The following SGCD variants were observed in gnomAD, a reference collection of about 807,000 sequenced individuals.
SGCD encodes the protein sarcoglycan delta, also known as delta-sarcoglycan.
In SGCD, 18 loss-of-function variants were observed where a neutral mutation model predicts 36.6. That is an observed-to-expected ratio of 0.49 (90% CI 0.34 to 0.73). The LOEUF (loss-of-function observed/expected upper bound fraction) is 0.73, where lower values mean the gene tolerates loss of function less well. SGCD is among the 30% of genes least tolerant of loss of function. The pLI is 0.01. For synonymous variants in SGCD, 133 were observed against 130.6 expected, an observed-to-expected ratio of 1.02 and a Z score of -0.12; for missense variants, 387 against 346.7, an observed-to-expected ratio of 1.12 and a Z score of -0.92.
chr5:155,935,319 C>T (rs1318727743), intron 1 of SGCD, among the ~76,000 whole-genome samples: 7 of 152,020 alleles, frequency 4.6e-5, no homozygotes, highest in Non-Finnish European at 7.4e-5. Context: ...TTATTCAAAA[C>T]GTATTTGTTG....
the SGCD span, among the ~76,000 whole-genome samples, chr5:155,795,143 T>G: frequency 1.3e-5 from 2 of 152,202 alleles, no homozygotes; most frequent in African/African-American, 4.8e-5. Context: ...ACTGAAATAA[T>G]GTATCACTGT....
chr5:156,178,693 A>C (rs1763529563), intron 3 of SGCD, among the ~76,000 whole-genome samples: 1 of 152,116 alleles, frequency 6.6e-6, no homozygotes, highest in Non-Finnish European at 1.5e-5. Context: ...CTCCTGCCTC[A>C]GCCTCCCAAG....
intron 1 of SGCD, among the ~76,000 whole-genome samples, chr5:155,918,302 C>A (rs1355135491): frequency 6.6e-6 from 1 of 152,198 alleles, no homozygotes; most frequent in East Asian, 1.9e-4. Context: ...GTGGCTCACG[C>A]CTGTAATCCC....
chr5:156,544,727 C>A (rs1758491073), intron 4 of SGCD, among the ~76,000 whole-genome samples: 1 of 151,924 alleles, frequency 6.6e-6, no homozygotes, highest in Non-Finnish European at 1.5e-5. Context: ...GCATCATAAG[C>A]TTTAACATAC....
intron 3 of SGCD, among the ~76,000 whole-genome samples, chr5:156,379,526 G>C (rs1471922182): frequency 6.6e-6 from 1 of 152,190 alleles, no homozygotes; most frequent in African/African-American, 2.4e-5. Context: ...AGATCATGGA[G>C]TGTCTGTAAA....
At position 156,764,625 on chromosome 5, in the gene SGCD, G is replaced by T. The variant is rs1328751746; in HGVS notation, c.*5235G>T. 1 of 152,412 alleles carries T rather than the reference G, an allele frequency of 6.6e-6. No individual in the cohort carries two copies. Among genetic ancestry groups the T allele is most frequent in the Non-Finnish European group, 1.5e-5 (1 of 68,024 alleles). The allele number at this position is 152,412 out of a possible 1,614,324, so 9.4% of individuals were successfully genotyped here. On this transcript the variant is annotated 3_prime_UTR_variant, in exon 9 of 9. Coordinates refer to ENST00000337851, the MANE Select transcript of SGCD (RefSeq NM_000337.6). ...AAATAACCTTTTTGGGGCAACTCAT[G>T]CTCACACATGCTGTTTTCTTTGGTT...
At chr5:156,288,882 A>G (rs1046656169) in intron 3 of SGCD, among the ~76,000 whole-genome samples, 1 of 152,138 alleles carries the variant, frequency 6.6e-6, no homozygotes, top group Non-Finnish European at 1.5e-5. Flanking sequence ...TTTTTAAGTG[A>G]CATGTCCATT....
intron 1 of SGCD, among the ~76,000 whole-genome samples, chr5:156,109,006 C>A (rs927452591): frequency 6.6e-6 from 1 of 152,174 alleles, no homozygotes; most frequent in African/African-American, 2.4e-5. Flanking sequence ...ACCCACCTCT[C>A]AAGAAAGATA....
At chr5:155,976,295 G>A (rs543081324) in intron 1 of SGCD, among the ~76,000 whole-genome samples, 11 of 151,982 alleles carry the variant, frequency 7.2e-5, no homozygotes, top group South Asian at 6.2e-4. Context: ...GTATTGCAGG[G>A]GTACCTGTTA....
intron 6 of SGCD, among the ~76,000 whole-genome samples, chr5:156,625,215 CTTTT>C (rs978484344): frequency 6.6e-6 from 1 of 151,566 alleles, no homozygotes; most frequent in Non-Finnish European, 1.5e-5. Context: ...TGTTTCTTCA[CTTTT>C]TTTTTCTTGT....
Position 156,308,302 on chromosome 5 carries a change from T to C in SGCD, c.-43-21232T>C, listed in dbSNP as rs1225198269. ...AGAGCAAAGGGGGAAGTGCCATACT[T>C]TTTTTTTTTTTTTTGAGACGGAGTC... On this transcript the variant is annotated intron_variant, in intron 3 of 9. Coordinates refer to the SGCD transcript ENST00000517913. Among the ~76,000 whole-genome samples the C allele has an allele frequency of 5.3e-4, 6 of 11,362 alleles. No homozygotes were observed. In the African/African-American group the frequency reaches 1.0e-2, roughly 19 times the overall value. The allele number at this position is 11,362 out of a possible 152,430, so 7.5% of individuals were successfully genotyped here.
intron 3 of SGCD, among the ~76,000 whole-genome samples, chr5:156,246,667 A>C (rs970078570): frequency 1.3e-5 from 2 of 152,218 alleles, no homozygotes; most frequent in African/African-American, 4.8e-5. Flanking sequence ...GAGTATCACT[A>C]TATTTAAATA....
chr5:156,652,836 A>G (rs1043785616), intron 7 of SGCD, among the ~76,000 whole-genome samples: 9 of 151,982 alleles, frequency 5.9e-5, no homozygotes, highest in East Asian at 3.9e-4. Flanking sequence ...TGCTTTTTCT[A>G]TATCTCTTGA....
At chr5:156,672,170 C>T (rs1198292724) in intron 7 of SGCD, among the ~76,000 whole-genome samples, 1 of 152,180 alleles carries the variant, frequency 6.6e-6, no homozygotes, top group Admixed American at 6.5e-5. Context: ...GAGAGAAATC[C>T]TAATCCCTTG....
At chr5:156,595,815 T>C (rs1760905899) in intron 6 of SGCD, among the ~76,000 whole-genome samples, 1 of 152,250 alleles carries the variant, frequency 6.6e-6, no homozygotes, top group East Asian at 1.9e-4. Context: ...TTAGAAGCTA[T>C]GGTGAAAACA....
At chr5:156,138,116 C>T (rs187348981) in intron 3 of SGCD, among the ~76,000 whole-genome samples, 13 of 152,196 alleles carry the variant, frequency 8.5e-5, no homozygotes, top group South Asian at 4.2e-4. Context: ...TTCACATACA[C>T]GGAGCCAGGC....
intron 1 of SGCD, among the ~76,000 whole-genome samples, chr5:155,933,520 A>C (rs1231910019): frequency 6.6e-6 from 1 of 152,216 alleles, no homozygotes; most frequent in African/African-American, 2.4e-5. Context: ...CAAAATATAA[A>C]TATTTAGTCA....
In SGCD at chr5:156,760,053, A is replaced by C. The variant is rs969233346; in HGVS notation, c.*663A>C. ...TGAATGAGGAGGATGAATTTCAGCAAATTTTGAACTGCTCACCCAACTTCT... is the reference window on the plus strand; with the variant it reads ...TGAATGAGGAGGATGAATTTCAGCACATTTTGAACTGCTCACCCAACTTCT... On this transcript the variant is annotated 3_prime_UTR_variant, in exon 9 of 9. Coordinates refer to ENST00000337851, the MANE Select transcript of SGCD (RefSeq NM_000337.6). The C allele has an allele frequency of 3.9e-5, 6 of 152,148 alleles. No homozygotes were observed. The highest frequency in any genetic ancestry group is 2.0e-4 in the Admixed American group (3 of 15,266). 9.4% of individuals were successfully genotyped at this position (152,148 alleles called of 1,614,324 possible).
the SGCD span, among the ~76,000 whole-genome samples, chr5:155,852,863 T>C: frequency 5.9e-5 from 9 of 152,120 alleles, no homozygotes; most frequent in Admixed American, 6.6e-5. Context: ...GCAGAGTTGT[T>C]CAAGTAATAG....
Sources: allele counts gnomAD v4.1 joint callset (sites outside exome capture counted in the v4.1 genomes callset), GRCh38; gene constraint gnomAD v4.1.1; transcripts MANE v1.5; gene names NCBI Gene and HGNC (gene_info 2026-07-23, HGNC 2026-07-21).